RGL1: variants seen among roughly 807,000 people sequenced by gnomAD.
The protein encoded by RGL1 is ral guanine nucleotide dissociation stimulator-like 1.
In RGL1, 24 loss-of-function variants were observed where a neutral mutation model predicts 95.2. The ratio of observed to expected loss-of-function variants is 0.25; its 90% CI spans 0.18 to 0.35. RGL1 has a LOEUF of 0.35. RGL1 is among the 10% of genes least tolerant of loss of function. The probability of loss-of-function intolerance (pLI) is 1.00; values close to 1 mark genes in which losing one functional copy is unlikely to be tolerated. For synonymous variants in RGL1, 329 were observed against 344.9 expected (o/e 0.95, Z 0.51); for missense variants, 715 against 936.3 (o/e 0.76, Z 3.08).
At chr1:183,854,311 C>A (rs951902517) in intron 3 of RGL1, among the ~76,000 whole-genome samples, 22 of 152,122 alleles carry the variant, frequency 1.4e-4, no homozygotes, top group Non-Finnish European at 2.9e-4. Context: ...CTGAATGGGC[C>A]TGGCCAAATC....
chr1:183,682,296 G>C (rs1653273051), intron 1 of RGL1, among the ~76,000 whole-genome samples: 1 of 152,164 alleles, frequency 6.6e-6, no homozygotes, highest in Admixed American at 6.5e-5. Flanking sequence ...GGTTTCTCCT[G>C]TGGGCATTTA....
At chr1:183,852,252 G>A (rs985035708) in intron 3 of RGL1, among the ~76,000 whole-genome samples, 1 of 152,124 alleles carries the variant, frequency 6.6e-6, no homozygotes, top group African/African-American at 2.4e-5. Flanking sequence ...TCTTTTGACA[G>A]TTTTTTATTC....
At chr1:183,743,498 G>A (rs1014565655) in intron 2 of RGL1, among the ~76,000 whole-genome samples, 6 of 152,192 alleles carry the variant, frequency 3.9e-5, no homozygotes, top group African/African-American at 1.4e-4. Flanking sequence ...CATTATCTTG[G>A]GTAGTTGTCT....
chr1:183,918,682 A>T (rs903012290), intron 16 of RGL1, among the ~76,000 whole-genome samples: 3 of 152,162 alleles, frequency 2.0e-5, no homozygotes, highest in Admixed American at 2.0e-4. Context: ...CCCTGCTCTG[A>T]GATTCCTCCT....
At chr1:183,889,738 A>G (rs1218180437) in intron 8 of RGL1, among the ~76,000 whole-genome samples, 1 of 152,196 alleles carries the variant, frequency 6.6e-6, no homozygotes, top group African/African-American at 2.4e-5. Context: ...AAAAAAATAA[A>G]GTGGATGTTT....
At chr1:183,753,639 A>G (rs1032163136) in intron 2 of RGL1, among the ~76,000 whole-genome samples, 13 of 152,316 alleles carry the variant, frequency 8.5e-5, no homozygotes, top group African/African-American at 2.4e-4. Context: ...TAGGTAATAA[A>G]CAAGCTGGCA....
At position 183,888,582 on chromosome 1, in the gene RGL1, G is replaced by A. The variant is rs1667249585; in HGVS notation, c.1055+5G>A. On this transcript the variant is annotated splice_donor_5th_base_variant and intron_variant, in intron 8 of 17. Transcript: ENST00000360851. ...GACTTGGGCTGCCGTCCCAAGGTAA[G>A]TTCCCAAGTGTTTGCTCTGCTTTTC... is the stretch of plus-strand genomic sequence containing the variant. The A allele has an allele frequency of 6.4e-7, 1 of 1,571,886 alleles. No homozygotes were observed. The highest frequency in any genetic ancestry group is 2.2e-5 in the East Asian group (1 of 44,630).
intron 1 of RGL1, among the ~76,000 whole-genome samples, chr1:183,666,224 C>T (rs999495340): frequency 4.6e-5 from 7 of 151,942 alleles, no homozygotes; most frequent in East Asian, 1.9e-4. Flanking sequence ...AGGCTGGTCT[C>T]GAACTCCCGA....
chr1:183,870,747 T>A (rs1400395016), intron 4 of RGL1, among the ~76,000 whole-genome samples: 1 of 152,230 alleles, frequency 6.6e-6, no homozygotes, highest in East Asian at 1.9e-4. Flanking sequence ...GAGGCTCTAG[T>A]TCTCAAGTGA....
chr1:183,653,744 T>C (rs1337922420), intron 1 of RGL1, among the ~76,000 whole-genome samples: 1 of 152,174 alleles, frequency 6.6e-6, no homozygotes, highest in Non-Finnish European at 1.5e-5. Flanking sequence ...CTCTTAGAAA[T>C]TGCCTGGAAG....
intron 1 of RGL1, among the ~76,000 whole-genome samples, chr1:183,698,977 A>C (rs1334605462): frequency 6.6e-6 from 1 of 152,266 alleles, no homozygotes; most frequent in Non-Finnish European, 1.5e-5. Context: ...CAAAGTGTAC[A>C]AAAATGGAGA....
At chr1:183,907,626 T>A (rs1286581248) in intron 14 of RGL1, among the ~76,000 whole-genome samples, 1 of 152,140 alleles carries the variant, frequency 6.6e-6, no homozygotes, top group African/African-American at 2.4e-5. Context: ...CCTTCAAATA[T>A]TAGCAAAAAT....
Position 183,756,421 on chromosome 1 carries a change from T to G in RGL1, c.132+14132T>G, listed in dbSNP as rs1348981082. On this transcript the variant is annotated intron_variant, in intron 2 of 18. Coordinates refer to the RGL1 transcript ENST00000304685. ...GTAGCAGAAGAGGAATGGCAAGAGA[T>G]GAAGCCAAGAGGAAACAAATAATGA... 2.6e-5 allele frequency among the ~76,000 whole-genome samples: 4 copies of G among 152,144 alleles called. No individual in the cohort carries two copies. In the South Asian group the frequency reaches 6.2e-4, roughly 24 times the overall value.
In RGL1 at chr1:183,662,055, A is replaced by G. The variant is rs551895734; in HGVS notation, c.-33+25554A>G. Among the ~76,000 whole-genome samples the G allele has an allele frequency of 4.2e-4, 62 of 149,350 alleles. 4 individuals carry two copies. Among genetic ancestry groups the G allele is most frequent in the Middle Eastern group, 3.4e-3 (1 of 294 alleles). On this transcript the variant is annotated intron_variant, in intron 1 of 18. Coordinates refer to the RGL1 transcript ENST00000304685. ...TCAATAAATTAGGTATTGATGGGAC[A>G]TATTTCAAGATAATAAGAGCTATCT...
At chr1:183,687,161 T>G (rs1188798578) in intron 1 of RGL1, among the ~76,000 whole-genome samples, 1 of 152,318 alleles carries the variant, frequency 6.6e-6, no homozygotes, top group East Asian at 1.9e-4. Flanking sequence ...CTTTTTATTT[T>G]TTTCATTATA....
At chr1:183,804,153 C>A (rs148264885), upstream of RGL1, among the ~76,000 whole-genome samples, 212 of 152,038 alleles carry the variant, frequency 1.4e-3, no homozygotes, top group Admixed American at 4.4e-3. Context: ...TACCATTAAC[C>A]AAAACCCAGG....
At chr1:183,823,916 G>A (rs1033752165) in intron 2 of RGL1, among the ~76,000 whole-genome samples, 3 of 151,982 alleles carry the variant, frequency 2.0e-5, no homozygotes, top group Non-Finnish European at 4.4e-5. Context: ...CCTCCTGGAT[G>A]GCTAGGACTA....
At chr1:183,748,945 A>G (rs1657825262) in intron 2 of RGL1, among the ~76,000 whole-genome samples, 1 of 152,146 alleles carries the variant, frequency 6.6e-6, no homozygotes, top group Non-Finnish European at 1.5e-5. Flanking sequence ...TGAGTTTCTT[A>G]ATCTTGAGTT....
chr1:183,912,382 C>G, intron 15 of RGL1, 114 bp downstream of exon 15: 1 of 881,098 alleles, frequency 1.1e-6, no homozygotes, highest in Non-Finnish European at 1.7e-6. Flanking sequence ...TTTTGAAAGT[C>G]ATGTTTTGAA....
Sources: allele counts gnomAD v4.1 joint callset (sites outside exome capture counted in the v4.1 genomes callset), GRCh38; gene constraint gnomAD v4.1.1; transcripts MANE v1.5; gene names NCBI Gene and HGNC (gene_info 2026-07-23, HGNC 2026-07-21).